SMYD3: variants seen among roughly 807,000 people sequenced by gnomAD.
SMYD3 encodes the protein histone-lysine N-methyltransferase SMYD3.
In SMYD3, 36 loss-of-function variants were observed where a neutral mutation model predicts 57.7. That is an observed-to-expected ratio of 0.62 (90% CI 0.48 to 0.82). The LOEUF is 0.82. SMYD3 is among the 40% of genes least tolerant of loss of function. SMYD3 has a pLI of 0.00. For synonymous variants in SMYD3, 211 were observed against 195.0 expected, an observed-to-expected ratio of 1.08 and a Z score of -0.68; for missense variants, 515 against 538.8, an observed-to-expected ratio of 0.96 and a Z score of 0.44.
chr1:245,893,512 T>C (rs1363923303), intron 8 of SMYD3, among the ~76,000 whole-genome samples: 1 of 151,898 alleles, frequency 6.6e-6, no homozygotes, highest in Non-Finnish European at 1.5e-5. Flanking sequence ...AATGGAATAC[T>C]ACTTGGCAAT....
chr1:245,960,647 A>G (rs974470653), intron 5 of SMYD3, among the ~76,000 whole-genome samples: 1 of 152,138 alleles, frequency 6.6e-6, no homozygotes, highest in Non-Finnish European at 1.5e-5. Flanking sequence ...GGATCACTTG[A>G]GCCTGGGAGG....
intron 5 of SMYD3, among the ~76,000 whole-genome samples, chr1:245,960,922 C>T (rs866169652): frequency 2.0e-5 from 3 of 152,106 alleles, no homozygotes; most frequent in African/African-American, 7.2e-5. Flanking sequence ...GGACCTATTC[C>T]ACAGGAAGGC....
At chr1:246,102,562 C>T (rs984966301) in intron 5 of SMYD3, among the ~76,000 whole-genome samples, 3 of 152,058 alleles carry the variant, frequency 2.0e-5, no homozygotes, top group Non-Finnish European at 4.4e-5. Context: ...CCCTACAGTC[C>T]CTTCTTGGAA....
chr1:245,862,838 A>C (rs550508919), intron 9 of SMYD3, among the ~76,000 whole-genome samples: 1 of 152,240 alleles, frequency 6.6e-6, no homozygotes. Context: ...ACCAGGCAGC[A>C]CTGTGATGAT....
At chr1:246,156,908 C>G (rs2062030781) in intron 5 of SMYD3, among the ~76,000 whole-genome samples, 1 of 152,090 alleles carries the variant, frequency 6.6e-6, no homozygotes, top group Non-Finnish European at 1.5e-5. Flanking sequence ...GTGGGTGACA[C>G]AAAGGACCCT....
At chr1:245,864,789 TA>T (rs2051740445) in intron 8 of SMYD3, among the ~76,000 whole-genome samples, 2 of 152,314 alleles carry the variant, frequency 1.3e-5, no homozygotes, top group South Asian at 4.2e-4. Flanking sequence ...ATAATGCTGA[TA>T]TTTTAAAAAA....
chr1:246,419,879 T>C (rs1558456282), intron 1 of SMYD3, among the ~76,000 whole-genome samples: 1 of 152,296 alleles, frequency 6.6e-6, no homozygotes, highest in South Asian at 2.1e-4. Context: ...GCCAAAAAGG[T>C]TGGGGACCAC....
intron 1 of SMYD3, among the ~76,000 whole-genome samples, chr1:246,403,559 T>TA (rs2066809798): frequency 6.6e-6 from 1 of 152,160 alleles, no homozygotes; most frequent in Non-Finnish European, 1.5e-5. Flanking sequence ...TTCTATGAGA[T>TA]ATGGATAATT....
chr1:245,818,685 A>G (rs2048987936), intron 10 of SMYD3, among the ~76,000 whole-genome samples: 2 of 151,988 alleles, frequency 1.3e-5, no homozygotes, highest in African/African-American at 2.4e-5. Context: ...GCTCAAAATA[A>G]AAGGATGGAG....
chr1:246,501,600 G>A (rs937792944), intron 1 of SMYD3, among the ~76,000 whole-genome samples: 3 of 151,944 alleles, frequency 2.0e-5, no homozygotes, highest in African/African-American at 4.8e-5. Flanking sequence ...CCTTCCTTAC[G>A]ACCTCATTCC....
intron 10 of SMYD3, among the ~76,000 whole-genome samples, chr1:245,788,008 C>T (rs2047115029): frequency 6.6e-6 from 1 of 152,162 alleles, no homozygotes; most frequent in Admixed American, 6.5e-5. Flanking sequence ...TGGATGGGAC[C>T]TGACCAGATT....
chr1:246,136,026 T>C (rs750719579), intron 5 of SMYD3, among the ~76,000 whole-genome samples: 3 of 152,232 alleles, frequency 2.0e-5, no homozygotes, highest in Non-Finnish European at 4.4e-5. Context: ...CAGTGCCTGC[T>C]GATAACTTCT....
intron 5 of SMYD3, among the ~76,000 whole-genome samples, chr1:246,281,071 G>C (rs2064430504): frequency 6.6e-6 from 1 of 152,152 alleles, no homozygotes; most frequent in African/African-American, 2.4e-5. Flanking sequence ...AGACTGCCGG[G>C]AAATAAAGAT....
chr1:246,029,182 G>A (rs2059625027), intron 5 of SMYD3, among the ~76,000 whole-genome samples: 1 of 152,228 alleles, frequency 6.6e-6, no homozygotes, highest in South Asian at 2.1e-4. Context: ...GACCTCAAAA[G>A]TACAGCCAAC....
intron 5 of SMYD3, chr1:246,186,978 A>G (rs2062650901): frequency 1.0e-6 from 1 of 963,242 alleles, no homozygotes; most frequent in Admixed American, 6.2e-5. Context: ...GAAACACGAA[A>G]GAAGAAATGG....
chr1:246,273,607 A>G (rs1209894203), intron 5 of SMYD3, among the ~76,000 whole-genome samples: 2 of 127,854 alleles, frequency 1.6e-5, no homozygotes, highest in African/African-American at 6.4e-5. Flanking sequence ...TTTTAAAGAC[A>G]GAGTGTTGGT....
chr1:245,885,845 G>C (rs780962723), intron 8 of SMYD3, among the ~76,000 whole-genome samples: 2 of 152,164 alleles, frequency 1.3e-5, no homozygotes, highest in African/African-American at 2.4e-5. Context: ...TGAAGTAGTT[G>C]TAAAAAGTAG....
intron 5 of SMYD3, among the ~76,000 whole-genome samples, chr1:246,182,870 T>C (rs978639949): frequency 6.6e-6 from 1 of 152,102 alleles, no homozygotes; most frequent in African/African-American, 2.4e-5. Flanking sequence ...CTAATGATGA[T>C]ACTGAAGCAA....
At chr1:246,449,890 T>C (rs567307445) in intron 1 of SMYD3, among the ~76,000 whole-genome samples, 6 of 152,262 alleles carry the variant, frequency 3.9e-5, no homozygotes, top group South Asian at 2.1e-4. Context: ...ATTGGGAGTA[T>C]AGAGCCAAGT....
Sources: gnomAD v4.1 joint callset for allele counts (sites outside exome capture counted in the v4.1 genomes callset) on GRCh38, gnomAD v4.1.1 for gene constraint, MANE v1.5 for transcripts, NCBI Gene and HGNC (gene_info 2026-07-23, HGNC 2026-07-21) for gene names.